Variants in IRAG1 observed in about 807,000 individuals in gnomAD.
The protein encoded by IRAG1 is IP3R-associated cGMP kinase substrate.
Under a neutral mutation model 106.2 loss-of-function variants are expected in IRAG1, and 62 were observed. The ratio of observed to expected loss-of-function variants is 0.58; its 90% CI spans 0.48 to 0.72. The LOEUF (loss-of-function observed/expected upper bound fraction) is 0.72. Ranked by LOEUF, IRAG1 falls within the 30% of genes least tolerant of loss-of-function variation. IRAG1 has a pLI of 0.00. For synonymous variants in IRAG1, 462 were observed against 443.9 expected, an observed-to-expected ratio of 1.04 and a Z score of -0.51; for missense variants, 1,064 against 1,140.7, an observed-to-expected ratio of 0.93 and a Z score of 0.97.
Position 10,628,433 on chromosome 11 carries a change from A to G in IRAG1, c.652+318T>C, listed in dbSNP as rs1204171131. 6.6e-6 allele frequency among the ~76,000 whole-genome samples: 1 copy of G among 152,264 alleles called. No individual in the cohort carries two copies. Among genetic ancestry groups the G allele is most frequent in the African/African-American group, 2.4e-5 (1 of 41,562 alleles). ...TCAGACCCCAAAGAGGCCTTTCTGT[A>G]TAAGCTCTTGAGGGCTTCTCTGAGC... On this transcript the variant is annotated intron_variant, in intron 6 of 20. Transcript: ENST00000423302. The surrounding 1 kb of genome is among the most constrained non-coding windows in gnomAD (Gnocchi z 4.1).
chr11:10,669,949 G>GA (rs1458800725), intron 1 of IRAG1, among the ~76,000 whole-genome samples: 2 of 152,194 alleles, frequency 1.3e-5, no homozygotes, highest in African/African-American at 4.8e-5. Context: ...AATAAATGCT[G>GA]AAAAAGAGAG....
At chr11:10,680,348 A>G (rs182194249) in intron 1 of IRAG1, among the ~76,000 whole-genome samples, 1,286 of 71,746 alleles carry the variant, frequency 0.018, 23 homozygotes, top group Non-Finnish European at 0.025. Context: ...AAGGAAGGAA[A>G]GAAAGAAAGA....
chr11:10,584,700 G>A (rs1174946183), intron 18 of IRAG1, among the ~76,000 whole-genome samples: 4 of 151,496 alleles, frequency 2.6e-5, no homozygotes, highest in Non-Finnish European at 4.4e-5. Context: ...AAAAGAACTC[G>A]CCTGAGGCAA....
chr11:10,584,699 C>T (rs79445055), intron 18 of IRAG1, among the ~76,000 whole-genome samples: 31 of 151,532 alleles, frequency 2.0e-4, no homozygotes, highest in African/African-American at 7.3e-4. Context: ...GAAAAGAACT[C>T]GCCTGAGGCA....
Position 10,651,969 on chromosome 11 carries a change from G to C in IRAG1, c.225+56C>G. 3.3e-6 allele frequency: 5 copies of C among 1,502,958 alleles called. No homozygotes were observed. In the South Asian group the frequency reaches 6.4e-5, roughly 19 times the overall value. The allele number at this position is 1,502,958 out of a possible 1,614,324, so 93.1% of individuals were successfully genotyped here. ...GCCTAAAAGCTGTGGCCTCAGCCCA[G>C]GGTGCTTGGCTTGGCCCCCAGCCAG... On this transcript the variant is annotated intron_variant, in intron 2 of 20. Transcript: ENST00000423302.
chr11:10,617,889 G>T (rs1250245321), intron 10 of IRAG1, among the ~76,000 whole-genome samples: 1 of 152,102 alleles, frequency 6.6e-6, no homozygotes, highest in Non-Finnish European at 1.5e-5. Context: ...TTTACCTGGT[G>T]TCTCCCTGTC....
chr11:10,650,065 T>A (rs547565221), intron 2 of IRAG1, among the ~76,000 whole-genome samples: 1 of 152,258 alleles, frequency 6.6e-6, no homozygotes, highest in Non-Finnish European at 1.5e-5. Context: ...TTAGTGAATA[T>A]TCTCATGTTA....
At position 10,623,821 on chromosome 11, in the gene IRAG1, C is replaced by T. The variant is rs372059888; in HGVS notation, c.1404G>A (p.Gly468=). 1.3e-4 allele frequency: 210 copies of T among 1,613,902 alleles called. No homozygotes were observed. The highest frequency in any genetic ancestry group is 1.7e-4 in the Non-Finnish European group (196 of 1,179,908). The change falls in exon 10 of 21, where the codon GGG becomes GGA. Residue 468 remains glycine (G), a synonymous_variant. Coordinates refer to ENST00000423302, the MANE Select transcript of IRAG1 (RefSeq NM_130385.4). ...HILMRNQNLV[G]LKLPDLSEAA... Reference sequence around the variant, plus strand: ...CTTCACTAAGGTCTGGAAGCTTGAGCCCCACTAAGTTCTGATTTCTCATCA... The same window carrying T: ...CTTCACTAAGGTCTGGAAGCTTGAGTCCCACTAAGTTCTGATTTCTCATCA...
intron 14 of IRAG1, among the ~76,000 whole-genome samples, chr11:10,602,523 T>A (rs891492759): frequency 2.6e-5 from 4 of 152,184 alleles, no homozygotes; most frequent in African/African-American, 9.7e-5. Context: ...GGGCTCTGTA[T>A]GCTTCAGGAC....
At chr11:10,601,305 G>T (rs1199196521) in intron 14 of IRAG1, among the ~76,000 whole-genome samples, 5 of 152,134 alleles carry the variant, frequency 3.3e-5, no homozygotes, top group African/African-American at 1.2e-4. Context: ...AGTTGTTTCT[G>T]CTTGCAGAGA....
intron 12 of IRAG1, among the ~76,000 whole-genome samples, chr11:10,605,591 G>T (rs537181925): frequency 1.3e-5 from 2 of 152,316 alleles, no homozygotes; most frequent in South Asian, 4.1e-4. Context: ...CTTGTTCAAG[G>T]TGACACGGAG....
chr11:10,667,325 C>T (rs951983429), intron 1 of IRAG1, among the ~76,000 whole-genome samples: 2 of 152,070 alleles, frequency 1.3e-5, no homozygotes, highest in Non-Finnish European at 2.9e-5. Context: ...TTCTAGGGCC[C>T]TGGGCTGGAA....
At chr11:10,580,323 T>C (rs758751501) in intron 20 of IRAG1, 132 bp downstream of exon 20, 5 of 1,376,706 alleles carry the variant, frequency 3.6e-6, no homozygotes, top group Non-Finnish European at 5.0e-6. Context: ...CTTGGTTTCT[T>C]GGGCTACTCA....
At chr11:10,617,499 CA>C (rs1855521921) in intron 10 of IRAG1, among the ~76,000 whole-genome samples, 1 of 152,086 alleles carries the variant, frequency 6.6e-6, no homozygotes, top group Non-Finnish European at 1.5e-5. Flanking sequence ...TCTGAAAGTA[CA>C]AAGAATGTAT....
chr11:10,664,192 C>G (rs1859614094), intron 1 of IRAG1, among the ~76,000 whole-genome samples: 1 of 152,090 alleles, frequency 6.6e-6, no homozygotes, highest in Non-Finnish European at 1.5e-5. Flanking sequence ...TCACGGCATC[C>G]CCTGGGGTAG....
intron 9 of IRAG1, among the ~76,000 whole-genome samples, chr11:10,625,603 A>C (rs545848417): frequency 2.0e-5 from 3 of 152,234 alleles, no homozygotes; most frequent in Non-Finnish European, 2.9e-5. Context: ...TGGGCACTCC[A>C]TCAAGGGATT....
intron 18 of IRAG1, among the ~76,000 whole-genome samples, chr11:10,585,518 A>C (rs1017690309): frequency 3.9e-5 from 6 of 151,928 alleles, no homozygotes; most frequent in Non-Finnish European, 8.8e-5. Context: ...ATATCTGTCA[A>C]ACAGAGAACA....
At chr11:10,629,047 G>A (rs1333370257) in intron 5 of IRAG1, among the ~76,000 whole-genome samples, 1 of 152,036 alleles carries the variant, frequency 6.6e-6, no homozygotes, top group South Asian at 2.1e-4. Flanking sequence ...GGGGTTCGAG[G>A]ATAGAGTCAC....
chr11:10,623,750 A>C (rs1856012778), intron 10 of IRAG1, 28 bp downstream of exon 10: 1 of 1,607,426 alleles, frequency 6.2e-7, no homozygotes, highest in Non-Finnish European at 8.5e-7. Flanking sequence ...GCACTCGCTG[A>C]GACAGCATCT....
Sources: gnomAD v4.1 joint callset for allele counts (sites outside exome capture counted in the v4.1 genomes callset) on GRCh38, gnomAD v4.1.1 for gene constraint, Gnocchi (gnomAD v3.1) non-coding constraint, MANE v1.5 for transcripts, NCBI Gene and HGNC (gene_info 2026-07-23, HGNC 2026-07-21) for gene names.